ADARB2: variants seen among roughly 807,000 people sequenced by gnomAD.
The protein encoded by ADARB2 is adenosine deaminase RNA specific B2 (inactive), also known as inactive double-stranded RNA-specific editase B2.
ADARB2 carries 25 observed loss-of-function variants against 62.2 expected under a neutral mutation model. The ratio of observed to expected loss-of-function variants is 0.40; its 90% CI spans 0.29 to 0.56. ADARB2 has a LOEUF of 0.56. Ranked by LOEUF, ADARB2 falls within the 20% of genes least tolerant of loss-of-function variation. ADARB2 has a pLI of 0.43. For missense variants in ADARB2, 1,071 were observed against 1,077.4 expected (o/e 0.99, Z 0.08); for synonymous variants, 572 against 500.8 (o/e 1.14, Z -1.90).
intron 1 of ADARB2, among the ~76,000 whole-genome samples, chr10:1,710,978 C>G (rs2119151663): frequency 6.6e-6 from 1 of 152,238 alleles, no homozygotes; most frequent in South Asian, 2.1e-4. Flanking sequence ...CCCCTGTGCT[C>G]TGCATTTCCA....
chr10:1,339,615 T>G (rs1832004566), intron 3 of ADARB2, among the ~76,000 whole-genome samples: 1 of 152,208 alleles, frequency 6.6e-6, no homozygotes, highest in African/African-American at 2.4e-5. Flanking sequence ...TGCCAAACTT[T>G]GAAAATTCTC....
At chr10:1,695,909 C>T (rs1834736505) in intron 1 of ADARB2, among the ~76,000 whole-genome samples, 1 of 151,966 alleles carries the variant, frequency 6.6e-6, no homozygotes, top group African/African-American at 2.4e-5. Flanking sequence ...CACACACGTG[C>T]AGATGTAATT....
At chr10:1,682,957 C>G (rs1834556733) in intron 1 of ADARB2, among the ~76,000 whole-genome samples, 2 of 152,148 alleles carry the variant, frequency 1.3e-5, no homozygotes, top group South Asian at 4.1e-4. Context: ...GCCCGAATGC[C>G]GGCGGTAACA....
chr10:1,275,535 T>C (rs1831307550), intron 3 of ADARB2, among the ~76,000 whole-genome samples: 1 of 152,108 alleles, frequency 6.6e-6, no homozygotes, highest in African/African-American at 2.4e-5. Flanking sequence ...AATTTAAGTT[T>C]TAGGGTACAT....
chr10:1,711,101 G>T (rs548657438), intron 1 of ADARB2, among the ~76,000 whole-genome samples: 1 of 152,264 alleles, frequency 6.6e-6, no homozygotes, highest in African/African-American at 2.4e-5. Context: ...GCTCACAATG[G>T]CCAGGGACAC....
intron 1 of ADARB2, among the ~76,000 whole-genome samples, chr10:1,527,146 T>C (rs764009341): frequency 9.2e-5 from 14 of 152,162 alleles, no homozygotes; most frequent in Admixed American, 3.9e-4. Flanking sequence ...AAAGAATTCT[T>C]ACAGGAACTT....
At chr10:1,710,578 C>T (rs893495374) in intron 1 of ADARB2, among the ~76,000 whole-genome samples, 1 of 152,188 alleles carries the variant, frequency 6.6e-6, no homozygotes, top group African/African-American at 2.4e-5. Context: ...CACTTATTCA[C>T]GGCACTCACA....
intron 1 of ADARB2, among the ~76,000 whole-genome samples, chr10:1,504,648 C>T (rs1341962355): frequency 1.3e-5 from 2 of 152,178 alleles, no homozygotes; most frequent in African/African-American, 4.8e-5. Flanking sequence ...TGCAAAAAGC[C>T]AGTCTGCAGG....
intron 1 of ADARB2, among the ~76,000 whole-genome samples, chr10:1,566,573 G>C (rs561125958): frequency 7.4e-4 from 112 of 152,134 alleles, no homozygotes; most frequent in African/African-American, 2.6e-3. Context: ...TAGAACAATT[G>C]TATGTGATTC....
At chr10:1,247,295 T>C (rs1344691011) in intron 4 of ADARB2, among the ~76,000 whole-genome samples, 3 of 152,246 alleles carry the variant, frequency 2.0e-5, no homozygotes, top group African/African-American at 7.2e-5. Flanking sequence ...TTTGACTTTC[T>C]CTTTTCCTAA....
intron 1 of ADARB2, among the ~76,000 whole-genome samples, chr10:1,568,403 G>C (rs142502299): frequency 6.6e-6 from 1 of 152,230 alleles, no homozygotes; most frequent in South Asian, 2.1e-4. Flanking sequence ...CTGCGGGGCC[G>C]TCTCCGCAGA....
At chr10:1,446,818 T>C (rs1441006906) in intron 1 of ADARB2, among the ~76,000 whole-genome samples, 1 of 152,202 alleles carries the variant, frequency 6.6e-6, no homozygotes, top group Non-Finnish European at 1.5e-5. Context: ...CTTGTGAACA[T>C]ATTCAACGAT....
chr10:1,483,711 G>GAAAACAAACAAAC lies in ADARB2; in HGVS notation c.101-104552_101-104551insGTTTGTTTGTTTT, dbSNP rs1421501842. Among the ~76,000 whole-genome samples the GAAAACAAACAAAC allele has an allele frequency of 2.7e-4, 41 of 152,306 alleles. 2 individuals are homozygous for GAAAACAAACAAAC. The highest frequency in any genetic ancestry group is 6.2e-4 in the South Asian group (3 of 4,820). ...GTTTGAAAATGACGAAGCAACTAAT[G>GAAAACAAACAAAC]ATTTAGCATTTACAGGTTTAAAAAG... On this transcript the variant is annotated intron_variant, in intron 1 of 9. Transcript: ENST00000381312.
At chr10:1,522,161 C>T (rs1259216315) in intron 1 of ADARB2, among the ~76,000 whole-genome samples, 1 of 152,042 alleles carries the variant, frequency 6.6e-6, no homozygotes, top group African/African-American at 2.4e-5. Context: ...GTGTTGAGAC[C>T]CTGCCTTTGT....
chr10:1,566,085 A>AC (rs1832859024), intron 1 of ADARB2, among the ~76,000 whole-genome samples: 1 of 137,318 alleles, frequency 7.3e-6, no homozygotes, highest in African/African-American at 2.9e-5. Flanking sequence ...AAAAAAAAAA[A>AC]AAAAAAAAAA....
chr10:1,664,275 T>C (rs962707159), intron 1 of ADARB2, among the ~76,000 whole-genome samples: 1 of 151,904 alleles, frequency 6.6e-6, no homozygotes, highest in Non-Finnish European at 1.5e-5. Flanking sequence ...CTGGTCAGTG[T>C]GTGGGTTTCT....
At chr10:1,483,627 C>T (rs1273775153) in intron 1 of ADARB2, among the ~76,000 whole-genome samples, 3 of 80,436 alleles carry the variant, frequency 3.7e-5, no homozygotes, top group African/African-American at 1.1e-4. Flanking sequence ...TTCAGTGGTG[C>T]TCTTTACCTG....
chr10:1,695,748 A>G (rs1036600581), intron 1 of ADARB2, among the ~76,000 whole-genome samples: 1 of 152,174 alleles, frequency 6.6e-6, no homozygotes, highest in Admixed American at 6.5e-5. Flanking sequence ...GTATGTATAC[A>G]TGGAAACATG....
intron 1 of ADARB2, among the ~76,000 whole-genome samples, chr10:1,673,976 T>A (rs1834428556): frequency 6.6e-6 from 1 of 152,222 alleles, no homozygotes; most frequent in South Asian, 2.1e-4. Context: ...CCAACATAAA[T>A]GTGTTAAATG....
Sources: gnomAD v4.1 joint callset for allele counts (sites outside exome capture counted in the v4.1 genomes callset) on GRCh38, gnomAD v4.1.1 for gene constraint, MANE v1.5 for transcripts, NCBI Gene and HGNC (gene_info 2026-07-23, HGNC 2026-07-21) for gene names.